Variants in PTPRD observed in about 807,000 individuals in gnomAD.
PTPRD encodes protein tyrosine phosphatase receptor type D.
PTPRD carries 34 observed loss-of-function variants against 214.5 expected under a neutral mutation model. The ratio of observed to expected loss-of-function variants is 0.16; its 90% CI spans 0.12 to 0.21. The LOEUF (loss-of-function observed/expected upper bound fraction) is 0.21, where lower values mean the gene tolerates loss of function less well. PTPRD is among the 10% of genes least tolerant of loss of function. PTPRD has a pLI of 1.00. For synonymous variants in PTPRD, 1,128 were observed against 845.7 expected (o/e 1.33, Z -5.79); for missense variants, 2,545 against 2,398.7 (o/e 1.06, Z -1.27).
chr9:10,557,376 T>C (rs1199763501), intron 2 of PTPRD, among the ~76,000 whole-genome samples: 1 of 152,152 alleles, frequency 6.6e-6, no homozygotes, highest in African/African-American at 2.4e-5. Flanking sequence ...CGCAGCATTC[T>C]TTCTCTCTTT....
intron 4 of PTPRD, among the ~76,000 whole-genome samples, chr9:10,008,416 C>A (rs559915853): frequency 8.7e-4 from 133 of 152,044 alleles, no homozygotes; most frequent in African/African-American, 2.5e-3. Context: ...ATATAGGAAG[C>A]CTGTGTGGCC....
Position 9,567,852 on chromosome 9 carries a change from G to C in PTPRD, c.-237+6880C>G, listed in dbSNP as rs542784735. Among the ~76,000 whole-genome samples, 28 of 152,090 alleles carry C rather than the reference G, an allele frequency of 1.8e-4. No individual in the cohort carries two copies. In the South Asian group the frequency reaches 5.6e-3, roughly 30 times the overall value. On this transcript the variant is annotated intron_variant, in intron 8 of 45. Coordinates refer to ENST00000381196, the MANE Select transcript of PTPRD (RefSeq NM_002839.4). Reference sequence around the variant, plus strand: ...GCTGGGGCATATGACACATTTGATAGAAGAGATGTGAAAAGGTATTTGCTG... The same window carrying C: ...GCTGGGGCATATGACACATTTGATACAAGAGATGTGAAAAGGTATTTGCTG...
intron 5 of PTPRD, among the ~76,000 whole-genome samples, chr9:9,794,744 C>A (rs996093100): frequency 2.6e-5 from 4 of 152,128 alleles, no homozygotes; most frequent in African/African-American, 9.7e-5. Flanking sequence ...AATATTCTGT[C>A]TGGAATCAAA....
intron 10 of PTPRD, among the ~76,000 whole-genome samples, chr9:9,119,017 C>G (rs1241743715): frequency 6.6e-6 from 1 of 152,084 alleles, no homozygotes; most frequent in Non-Finnish European, 1.5e-5. Flanking sequence ...TAATATATTT[C>G]CATGTCATAT....
At chr9:9,700,332 G>A (rs373242844) in intron 7 of PTPRD, among the ~76,000 whole-genome samples, 1 of 151,998 alleles carries the variant, frequency 6.6e-6, no homozygotes, top group Non-Finnish European at 1.5e-5. Context: ...AGAGAAATAA[G>A]TATTTTGAGT....
At chr9:9,076,223 C>A (rs552631508) in intron 10 of PTPRD, among the ~76,000 whole-genome samples, 1 of 151,978 alleles carries the variant, frequency 6.6e-6, no homozygotes, top group Non-Finnish European at 1.5e-5. Context: ...ACTTCATCCA[C>A]TTTTTGATGG....
chr9:9,439,207 C>T (rs1446974258), intron 8 of PTPRD, among the ~76,000 whole-genome samples: 4 of 151,376 alleles, frequency 2.6e-5, no homozygotes, highest in Admixed American at 6.6e-5. Flanking sequence ...TTTTTTTAAT[C>T]AATAGAAGTT....
chr9:9,013,345 T>A (rs1389189638), intron 11 of PTPRD, among the ~76,000 whole-genome samples: 9 of 152,124 alleles, frequency 5.9e-5, no homozygotes, highest in Admixed American at 5.9e-4. Context: ...AATGCTGCAC[T>A]GACATTGTTG....
chr9:9,302,733 C>A (rs904464406), intron 9 of PTPRD, among the ~76,000 whole-genome samples: 1 of 148,458 alleles, frequency 6.7e-6, no homozygotes, highest in Non-Finnish European at 1.5e-5. Context: ...TTACCTTTTT[C>A]CTTTGAAGCC....
At chr9:9,572,734 A>T (rs528869875) in intron 8 of PTPRD, among the ~76,000 whole-genome samples, 1 of 150,644 alleles carries the variant, frequency 6.6e-6, no homozygotes, top group Non-Finnish European at 1.5e-5. Flanking sequence ...ATCTAGTAAG[A>T]AAAAAAAGGC....
intron 2 of PTPRD, among the ~76,000 whole-genome samples, chr9:10,359,162 TATA>T (rs2097332031): frequency 6.6e-6 from 1 of 152,040 alleles, no homozygotes; most frequent in African/African-American, 2.4e-5. Flanking sequence ...TTGTTAACAT[TATA>T]ATATTCATTG....
intron 21 of PTPRD, 34 bp downstream of exon 21, chr9:8,517,814 C>A (rs1304187163): frequency 6.4e-7 from 1 of 1,570,066 alleles, no homozygotes; most frequent in South Asian, 1.2e-5. Context: ...CAGCCCTTCC[C>A]TCCTGCCCTA....
At position 8,957,883 on chromosome 9, in the gene PTPRD, G is replaced by A. The variant is rs140442805; in HGVS notation, c.-104+60814C>T. On this transcript the variant is annotated intron_variant, in intron 11 of 45. Transcript: ENST00000381196. ...TATGGAGGACAAAACAGAAAAGAAT[G>A]CTATAGTCCCAAATGAAAAAAAAAA... Among the ~76,000 whole-genome samples, 7 of 151,508 alleles carry A rather than the reference G, an allele frequency of 4.6e-5. No individual in the cohort carries two copies. In the East Asian group the frequency reaches 1.2e-3, roughly 25 times the overall value.
At chr9:10,391,745 A>G (rs2098070616) in intron 2 of PTPRD, among the ~76,000 whole-genome samples, 1 of 151,838 alleles carries the variant, frequency 6.6e-6, no homozygotes, top group Admixed American at 6.6e-5. Context: ...AATATAAATT[A>G]GAATATTTTA....
intron 4 of PTPRD, among the ~76,000 whole-genome samples, chr9:10,033,391 T>G (rs1232378132): frequency 6.6e-6 from 1 of 151,810 alleles, no homozygotes; most frequent in Non-Finnish European, 1.5e-5. Flanking sequence ...CAGCTATTGC[T>G]TGTGAGCCAA....
intron 9 of PTPRD, among the ~76,000 whole-genome samples, chr9:9,281,362 G>A (rs1947626710): frequency 6.6e-6 from 1 of 151,194 alleles, no homozygotes; most frequent in Non-Finnish European, 1.5e-5. Context: ...ATAAAAGACT[G>A]TTATTCAAAA....
At chr9:9,571,845 T>G (rs1425232610) in intron 8 of PTPRD, among the ~76,000 whole-genome samples, 3 of 151,182 alleles carry the variant, frequency 2.0e-5, no homozygotes, top group African/African-American at 7.3e-5. Flanking sequence ...CATTAAAACA[T>G]ATACAGAGCA....
intron 7 of PTPRD, among the ~76,000 whole-genome samples, chr9:9,711,487 T>C (rs923902075): frequency 8.5e-5 from 13 of 152,182 alleles, no homozygotes; most frequent in African/African-American, 3.1e-4. Context: ...TAAAATTATA[T>C]GCCTAATAAT....
intron 8 of PTPRD, among the ~76,000 whole-genome samples, chr9:9,492,821 C>T (rs770007199): frequency 2.7e-5 from 4 of 150,888 alleles, no homozygotes; most frequent in Middle Eastern, 3.4e-3. Flanking sequence ...GTTTCTGCAT[C>T]ATATTTCGGT....
Sources: allele counts gnomAD v4.1 joint callset (sites outside exome capture counted in the v4.1 genomes callset), GRCh38; gene constraint gnomAD v4.1.1; transcripts MANE v1.5; gene names NCBI Gene and HGNC (gene_info 2026-07-23, HGNC 2026-07-21).